Variants in PIK3C2B observed in about 807,000 individuals in gnomAD.
The protein encoded by PIK3C2B is phosphatidylinositol-4-phosphate 3-kinase catalytic subunit type 2 beta.
PIK3C2B carries 83 observed loss-of-function variants against 184.3 expected under a neutral mutation model. The ratio of observed to expected loss-of-function variants is 0.45; its 90% CI spans 0.38 to 0.54. The LOEUF is 0.54. Ranked by LOEUF, PIK3C2B falls within the 20% of genes least tolerant of loss-of-function variation. PIK3C2B has a pLI of 0.00. For missense variants in PIK3C2B, 1,736 were observed against 2,113.5 expected, an observed-to-expected ratio of 0.82 and a Z score of 3.50; for synonymous variants, 779 against 837.6, an observed-to-expected ratio of 0.93 and a Z score of 1.21.
chr1:204,454,946 G>T (rs1162290333), intron 11 of PIK3C2B, among the ~76,000 whole-genome samples, 155 bp from the exon 12 acceptor site: 1 of 152,246 alleles, frequency 6.6e-6, no homozygotes, highest in African/African-American at 2.4e-5. Context: ...AGCCAAACTG[G>T]ATGTAAGGAA....
intron 8 of PIK3C2B, among the ~76,000 whole-genome samples, chr1:204,458,494 A>ATTTTTTT (rs1158541930): frequency 1.4e-5 from 2 of 142,118 alleles, no homozygotes. Context: ...GGCTATGACA[A>ATTTTTTT]TTTTTTTTTT....
At position 204,447,508 on chromosome 1, in the gene PIK3C2B, T is replaced by A; in HGVS notation, c.2417A>T (p.Tyr806Phe). 6.2e-7 allele frequency: 1 copy of A among 1,603,304 alleles called. No individual in the cohort carries two copies. The highest frequency in any genetic ancestry group is 8.5e-7 in the Non-Finnish European group (1 of 1,174,358). ...TTCTTCCCGGAGGCTGCCAAACTCATAGCGGGGGCTGAACTTGTCTCCAGG... is the reference window on the plus strand; with the variant it reads ...TTCTTCCCGGAGGCTGCCAAACTCAAAGCGGGGGCTGAACTTGTCTCCAGG... ...SPPGDKFSPR[Y>F]EFGSLREEDQ... The change falls in exon 15 of 33, where the codon TAT becomes TTT. Residue 806 changes from tyrosine to phenylalanine, a missense_variant. This residue lies in a region of PIK3C2B where 609 missense variants were observed against 699.2 expected (regional missense o/e 0.87). Transcript: ENST00000684373. This position sits in a 1 kb window ranked among gnomAD's most constrained non-coding sequence, Gnocchi z 4.1.
intron 20 of PIK3C2B, 112 bp downstream of exon 20, chr1:204,442,414 C>T (rs1050283663): frequency 1.5e-6 from 1 of 684,278 alleles, no homozygotes; most frequent in African/African-American, 1.8e-5. Flanking sequence ...AAGTTAGCAA[C>T]ATACTGACGC....
At chr1:204,456,567 T>G (rs897194849) in intron 10 of PIK3C2B, among the ~76,000 whole-genome samples, 1 of 152,158 alleles carries the variant, frequency 6.6e-6, no homozygotes, top group Admixed American at 6.5e-5. Flanking sequence ...AAGTTCAGCT[T>G]GAAGGGCACA....
At chr1:204,490,313 C>T in intron 1 of PIK3C2B, 1 of 179,188 alleles carries the variant, frequency 5.6e-6, no homozygotes, top group Non-Finnish European at 1.2e-5. Flanking sequence ...CTGAGGGCCT[C>T]TGCTCCCCAA....
chr1:204,450,112 T>C, intron 12 of PIK3C2B, 95 bp from the exon 13 acceptor site: 1 of 1,042,488 alleles, frequency 9.6e-7, no homozygotes, highest in Non-Finnish European at 1.4e-6. Context: ...AGGCTGAGGA[T>C]ACAGCCTCCC....
intron 1 of PIK3C2B, among the ~76,000 whole-genome samples, chr1:204,476,051 G>C (rs1203104045): frequency 6.6e-6 from 1 of 152,206 alleles, no homozygotes; most frequent in African/African-American, 2.4e-5. Context: ...CGAAGGTTCA[G>C]AGAGCAGCAG....
At chr1:204,456,145 C>T in intron 10 of PIK3C2B, 94 bp from the exon 11 acceptor site, 1 of 939,172 alleles carries the variant, frequency 1.1e-6, no homozygotes, top group South Asian at 1.8e-5. Flanking sequence ...TGGCCTAAGA[C>T]AGTGGTCCCC....
chr1:204,493,512 G>T (rs892757645), intron 1 of PIK3C2B, among the ~76,000 whole-genome samples: 13 of 90,518 alleles, frequency 1.4e-4, no homozygotes, highest in Admixed American at 1.1e-3. Flanking sequence ...AGGAGCAAGA[G>T]CAATGGCAGA....
At chr1:204,456,456 A>C (rs1654851847) in intron 10 of PIK3C2B, among the ~76,000 whole-genome samples, 1 of 152,154 alleles carries the variant, frequency 6.6e-6, no homozygotes, top group South Asian at 2.1e-4. Context: ...GGTCTATGAA[A>C]TCCAAAAGAC....
At chr1:204,455,531 T>C (rs1654777046) in intron 11 of PIK3C2B, among the ~76,000 whole-genome samples, 1 of 151,404 alleles carries the variant, frequency 6.6e-6, no homozygotes, top group African/African-American at 2.4e-5. Context: ...GCGTGCACTC[T>C]ATCTGGGAAT....
At chr1:204,452,803 C>T (rs369152935) in intron 12 of PIK3C2B, among the ~76,000 whole-genome samples, 1 of 151,500 alleles carries the variant, frequency 6.6e-6, no homozygotes, top group East Asian at 1.9e-4. Context: ...TACAGATGCA[C>T]GCCACCACAC....
At chr1:204,441,386 C>T (rs1558240267) in intron 21 of PIK3C2B, 85 bp downstream of exon 21, 1 of 779,050 alleles carries the variant, frequency 1.3e-6, no homozygotes, top group Non-Finnish European at 2.2e-6. Flanking sequence ...GGAAGAGAAC[C>T]ACCCAGGGGC....
chr1:204,440,348 T>C, intron 21 of PIK3C2B, 27 bp from the exon 22 acceptor site: 1 of 1,552,420 alleles, frequency 6.4e-7, no homozygotes, highest in Non-Finnish European at 8.7e-7. Context: ...AGTGACCAGA[T>C]CTAATCTCCA....
At chr1:204,429,662 C>T (rs373290636) in intron 29 of PIK3C2B, among the ~76,000 whole-genome samples, 2 of 152,154 alleles carry the variant, frequency 1.3e-5, no homozygotes, top group African/African-American at 2.4e-5. Flanking sequence ...TCTGAGGCTC[C>T]GCTCATTCTC....
chr1:204,457,437 G>C (rs1654968046), intron 9 of PIK3C2B, among the ~76,000 whole-genome samples: 1 of 152,186 alleles, frequency 6.6e-6, no homozygotes, highest in Admixed American at 6.5e-5. Flanking sequence ...CACCCTGATG[G>C]ATATGCAGAC....
Position 204,441,451 on chromosome 1 carries a change from CT to C in PIK3C2B, c.3249+19del. ...CTCTCTCCCACCCTGGTCCACCAGGCTTGAGTAAAGTATTCTCACCTTGAAG... is the reference window on the plus strand; with the variant it reads ...CTCTCTCCCACCCTGGTCCACCAGGCTGAGTAAAGTATTCTCACCTTGAAG... On this transcript the variant is annotated intron_variant, in intron 21 of 32. Coordinates refer to ENST00000684373, the MANE Select transcript of PIK3C2B (RefSeq NM_001377334.1). The C allele has an allele frequency of 6.4e-7, 1 of 1,554,998 alleles. No homozygotes were observed. The highest frequency in any genetic ancestry group is 2.2e-5 in the East Asian group (1 of 44,598).
chr1:204,445,330 CA>C (rs1653758544), intron 16 of PIK3C2B, among the ~76,000 whole-genome samples: 1 of 151,994 alleles, frequency 6.6e-6, no homozygotes, highest in Non-Finnish European at 1.5e-5. Flanking sequence ...TGGTAGCTCA[CA>C]CCTATAATCC....
chr1:204,431,489 AG>A (rs1675053448), intron 28 of PIK3C2B, 179 bp downstream of exon 28: 4 of 682,910 alleles, frequency 5.9e-6, no homozygotes, highest in Non-Finnish European at 1.0e-5. Context: ...CTTGCGTGCA[AG>A]GAGAGCTTGG....
Sources: gnomAD v4.1 joint callset for allele counts (sites outside exome capture counted in the v4.1 genomes callset) on GRCh38, gnomAD v4.1.1 for gene constraint, gnomAD v4.1.1 regional missense constraint, Gnocchi (gnomAD v3.1) non-coding constraint, MANE v1.5 for transcripts, NCBI Gene and HGNC (gene_info 2026-07-23, HGNC 2026-07-21) for gene names.